The following TMPRSS11F variants were observed in gnomAD, a reference collection of about 807,000 sequenced individuals.
The protein encoded by TMPRSS11F is transmembrane protease serine 11F.
A neutral mutation model predicts 60.2 loss-of-function variants in TMPRSS11F; 47 were observed. The observed-to-expected ratio is 0.78, with a 90% CI of 0.62 to 1.00. TMPRSS11F has a LOEUF of 1.00. Ranked by LOEUF, TMPRSS11F falls within the 50% of genes least tolerant of loss-of-function variation. TMPRSS11F has a pLI of 0.00. For synonymous variants in TMPRSS11F, 166 were observed against 167.3 expected, an observed-to-expected ratio of 0.99 and a Z score of 0.06; for missense variants, 519 against 522.9, an observed-to-expected ratio of 0.99 and a Z score of 0.07.
At chr4:68,080,875 C>A (rs143612421) in intron 3 of TMPRSS11F, 11 of 152,194 alleles carry the variant, frequency 7.2e-5, no homozygotes, top group African/African-American at 2.6e-4. Flanking sequence ...AATGTCTATT[C>A]TTTGGAAGTT....
chr4:68,059,522 G>GT, intron 8 of TMPRSS11F, 54 bp from the exon 9 acceptor site: 1 of 1,546,700 alleles, frequency 6.5e-7, no homozygotes, highest in African/African-American at 1.4e-5. Flanking sequence ...AAATACAATT[G>GT]TATCTAAGAC....
chr4:68,075,611 C>T (rs1723566270), intron 3 of TMPRSS11F, among the ~76,000 whole-genome samples: 1 of 152,008 alleles, frequency 6.6e-6, no homozygotes, highest in Non-Finnish European at 1.5e-5. Flanking sequence ...CAAGATTAAG[C>T]ACATTAAGAG....
chr4:68,084,634 C>T (rs989883766), intron 3 of TMPRSS11F, among the ~76,000 whole-genome samples: 3 of 152,170 alleles, frequency 2.0e-5, no homozygotes, highest in Admixed American at 2.0e-4. Flanking sequence ...TTACCACTAT[C>T]GGCCTTACAA....
At chr4:68,115,033 C>CTT (rs1724487116) in intron 1 of TMPRSS11F, among the ~76,000 whole-genome samples, 1 of 144,956 alleles carries the variant, frequency 6.9e-6, no homozygotes, top group African/African-American at 2.5e-5. Flanking sequence ...AAGAAGAAAG[C>CTT]TTTCAACAAG....
intron 1 of TMPRSS11F, among the ~76,000 whole-genome samples, chr4:68,110,899 A>C (rs1724398062): frequency 6.6e-6 from 1 of 152,184 alleles, no homozygotes; most frequent in Non-Finnish European, 1.5e-5. Flanking sequence ...GTCTTTAAAA[A>C]TAAAATGGCT....
At chr4:68,085,989 C>A (rs1434513587) in intron 3 of TMPRSS11F, among the ~76,000 whole-genome samples, 1 of 152,070 alleles carries the variant, frequency 6.6e-6, no homozygotes, top group Non-Finnish European at 1.5e-5. Flanking sequence ...AAAACTAACA[C>A]AGAAATTGTG....
intron 1 of TMPRSS11F, among the ~76,000 whole-genome samples, chr4:68,106,816 T>C (rs970573696): frequency 6.6e-6 from 1 of 152,210 alleles, no homozygotes; most frequent in African/African-American, 2.4e-5. Context: ...ATGTAAAACA[T>C]ATAAGACATT....
Position 68,064,923 on chromosome 4 carries a change from C to A in TMPRSS11F, c.777G>T (p.Trp259Cys). 6.2e-7 allele frequency: 1 copy of A among 1,613,578 alleles called. No individual in the cohort carries two copies. Among genetic ancestry groups the A allele is most frequent in the African/African-American group, 1.3e-5 (1 of 74,988 alleles). ...TTATAGTTGCACCAAAAGTAGCAAT[C>A]CATTGAGTTGGGTCTTTATTTCTGC... ...CFWKNKDPTQ[W>C]IATFGATITP... The change falls in exon 8 of 10, where the codon TGG (tryptophan) becomes TGT (cysteine). Residue 259 changes from tryptophan (W) to cysteine (C), a missense_variant. Transcript: ENST00000356291.
At chr4:68,121,937 T>A (rs925429482) in intron 1 of TMPRSS11F, among the ~76,000 whole-genome samples, 4 of 152,246 alleles carry the variant, frequency 2.6e-5, no homozygotes, top group African/African-American at 9.6e-5. Context: ...AATGCTCCCT[T>A]CTAATGCCAA....
At chr4:68,098,773 G>C in intron 2 of TMPRSS11F, 114 bp downstream of exon 2, 1 of 978,772 alleles carries the variant, frequency 1.0e-6, no homozygotes, top group Non-Finnish European at 1.5e-6. Flanking sequence ...ATCAGTAAAA[G>C]ACTGGTAATT....
At chr4:68,059,616 A>G (rs1723115148) in intron 8 of TMPRSS11F, 148 bp from the exon 9 acceptor site, 2 of 781,516 alleles carry the variant, frequency 2.6e-6, no homozygotes, top group African/African-American at 1.7e-5. Flanking sequence ...ATAAATGTCT[A>G]CATGCAAGGA....
At chr4:68,075,053 A>C (rs1723556047) in intron 3 of TMPRSS11F, among the ~76,000 whole-genome samples, 1 of 152,236 alleles carries the variant, frequency 6.6e-6, no homozygotes, top group Non-Finnish European at 1.5e-5. Context: ...AGGTCAATGT[A>C]AGTTTACATA....
At chr4:68,061,904 A>T (rs537818659) in intron 8 of TMPRSS11F, 4 of 424,672 alleles carry the variant, frequency 9.4e-6, no homozygotes, top group Admixed American at 5.5e-5. Flanking sequence ...TTTTAAAAAA[A>T]AATTAACATA....
rs1021369718 is a variant in TMPRSS11F, at chr4:68,103,277, C to CA, written c.12-4240dup. On this transcript the variant is annotated intron_variant, in intron 1 of 9. Coordinates refer to ENST00000356291, the MANE Select transcript of TMPRSS11F (RefSeq NM_207407.2). ...ACAACATGGCAAAACTCTGTCTCTA[C>CA]AAAAAAAATACTTAAAAAAATAGTC... 3.0e-4 allele frequency among the ~76,000 whole-genome samples: 46 copies of CA among 151,414 alleles called. No individual in the cohort carries two copies. In the East Asian group the frequency reaches 4.9e-3, roughly 16 times the overall value.
chr4:68,055,238 G>C (rs1723020134), intron 9 of TMPRSS11F, among the ~76,000 whole-genome samples: 1 of 152,332 alleles, frequency 6.6e-6, no homozygotes, highest in South Asian at 2.1e-4. Context: ...AGAAGTTTTT[G>C]TTTGTATCTT....
intron 7 of TMPRSS11F, among the ~76,000 whole-genome samples, chr4:68,065,766 A>AT (rs1342440824): frequency 4.1e-5 from 3 of 73,360 alleles, no homozygotes; most frequent in Non-Finnish European, 8.0e-5. Context: ...TTTAAATGTA[A>AT]TAAAAAAAAA....
At chr4:68,071,797 G>A (rs1723469780) in intron 5 of TMPRSS11F, among the ~76,000 whole-genome samples, 1 of 152,136 alleles carries the variant, frequency 6.6e-6, no homozygotes. Flanking sequence ...ATAGTTTTAA[G>A]TTGGAAACAA....
At chr4:68,072,250 T>TATATATATATATATATATATAGATATA (rs537020566) in intron 5 of TMPRSS11F, 73 bp downstream of exon 5, 1 of 223,712 alleles carries the variant, frequency 4.5e-6, no homozygotes, top group Non-Finnish European at 8.3e-6. Flanking sequence ...TATATATATA[T>TATATATATATATATATATATAGATATA]TGCTTACAAA....
chr4:68,101,493 CTT>C (rs1288570508), intron 1 of TMPRSS11F, among the ~76,000 whole-genome samples: 1 of 152,004 alleles, frequency 6.6e-6, no homozygotes, highest in African/African-American at 2.4e-5. Context: ...ATGCAAGAAA[CTT>C]TGAGATTTTG....
Sources: allele counts gnomAD v4.1 joint callset (sites outside exome capture counted in the v4.1 genomes callset), GRCh38; gene constraint gnomAD v4.1.1; transcripts MANE v1.5; gene names NCBI Gene and HGNC (gene_info 2026-07-23, HGNC 2026-07-21).